IGFL4: variants seen among roughly 807,000 people sequenced by gnomAD.
The protein encoded by IGFL4 is IGF like family member 4, also known as insulin growth factor-like family member 4.
A neutral mutation model predicts 15.4 loss-of-function variants in IGFL4; 12 were observed. The ratio of observed to expected loss-of-function variants is 0.78; its 90% CI spans 0.50 to 1.26. IGFL4 has a LOEUF of 1.26. IGFL4 is among the 50% of genes most tolerant of loss of function. IGFL4 has a pLI of 0.00. For missense variants in IGFL4, 126 were observed against 147.8 expected (o/e 0.85, Z 0.76); for synonymous variants, 54 against 55.9 (o/e 0.97, Z 0.16).
chr19:46,074,411 T>C (rs1004951711), intron 1 of IGFL4, among the ~76,000 whole-genome samples: 2 of 152,006 alleles, frequency 1.3e-5, no homozygotes, highest in Non-Finnish European at 2.9e-5. Flanking sequence ...TTAATGTATG[T>C]ATATCTACAT....
At position 46,051,624 on chromosome 19, in the gene IGFL4, C is replaced by T. The variant is rs79384563; in HGVS notation, c.-323+8561G>A. The stretch of plus-strand genomic sequence containing the variant: ...GTAGTATTGAGATGTGAGAATAGTA[C>T]CTCACATCTCAATACTAATGTTAAA... On this transcript the variant is annotated intron_variant, in intron 2 of 5. Coordinates refer to the IGFL4 transcript ENST00000601672. Among the ~76,000 whole-genome samples, 1,016 of 152,078 alleles carry T rather than the reference C, an allele frequency of 6.7e-3. 32 individuals are homozygous for T. Among genetic ancestry groups the T allele is most frequent in the Admixed American group, 0.044 (677 of 15,282 alleles).
intron 1 of IGFL4, among the ~76,000 whole-genome samples, chr19:46,073,033 G>A (rs1293630278): frequency 6.6e-6 from 1 of 152,134 alleles, no homozygotes; most frequent in Non-Finnish European, 1.5e-5. Flanking sequence ...ATTCTGGATT[G>A]GATCCTGGAG....
At chr19:46,055,861 C>T (rs2146519274) in intron 2 of IGFL4, among the ~76,000 whole-genome samples, 1 of 152,302 alleles carries the variant, frequency 6.6e-6, no homozygotes, top group South Asian at 2.1e-4. Flanking sequence ...ACTGCAGGCT[C>T]CACCTGCTGG....
At chr19:46,056,072 C>G (rs1969390416) in intron 2 of IGFL4, among the ~76,000 whole-genome samples, 1 of 152,212 alleles carries the variant, frequency 6.6e-6, no homozygotes, top group African/African-American at 2.4e-5. Flanking sequence ...CCACCATACC[C>G]AGCCCAATTT....
At chr19:46,043,759 A>G (rs925047824), upstream of IGFL4, among the ~76,000 whole-genome samples, 6 of 152,224 alleles carry the variant, frequency 3.9e-5, no homozygotes, top group Admixed American at 3.9e-4. Flanking sequence ...ATCTTCTACC[A>G]AAGCTTACAC....
chr19:46,053,525 T>G (rs987641145), intron 2 of IGFL4, among the ~76,000 whole-genome samples: 1 of 152,206 alleles, frequency 6.6e-6, no homozygotes, highest in African/African-American at 2.4e-5. Flanking sequence ...CGTCTGCTGT[T>G]GGACACGTAG....
intron 2 of IGFL4, chr19:46,059,154 G>T (rs1969421364): frequency 1.3e-5 from 2 of 152,282 alleles, no homozygotes; most frequent in East Asian, 1.9e-4. Flanking sequence ...GCTGTATCTT[G>T]TTCTGACCTC....
chr19:46,064,789 C>A (rs1969479335), intron 1 of IGFL4, among the ~76,000 whole-genome samples: 1 of 152,164 alleles, frequency 6.6e-6, no homozygotes, highest in Non-Finnish European at 1.5e-5. Context: ...AATATATTAA[C>A]TTCCTTTCTT....
At position 46,040,468 on chromosome 19, in the gene IGFL4, C is replaced by A. The variant is rs764403363; in HGVS notation, c.70+50G>T. ...GCAAGGACCAGCCTAGGACCACCTC[C>A]CCACCAACCTTAATGCTGTTCTCTC... On this transcript the variant is annotated intron_variant, in intron 2 of 3. Coordinates refer to ENST00000377697, the MANE Select transcript of IGFL4 (RefSeq NM_001002923.3). This position sits in a 1 kb window ranked among gnomAD's most constrained non-coding sequence, Gnocchi z 4.1. 2 of 1,613,870 alleles carry A rather than the reference C, an allele frequency of 1.2e-6. No individual in the cohort carries two copies. Among genetic ancestry groups the A allele is most frequent in the Admixed American group, 3.3e-5 (2 of 60,018 alleles).
upstream of IGFL4, among the ~76,000 whole-genome samples, chr19:46,041,445 C>G (rs554244336): frequency 2.0e-5 from 3 of 152,328 alleles, no homozygotes; most frequent in Admixed American, 6.5e-5. Flanking sequence ...TATAATTTTT[C>G]AGAGTCACGT....
chr19:46,052,267 T>A (rs575397810), intron 2 of IGFL4, among the ~76,000 whole-genome samples: 129 of 152,176 alleles, frequency 8.5e-4, no homozygotes, highest in African/African-American at 2.0e-3. Flanking sequence ...TCAATAAATT[T>A]AAAAAAATCA....
upstream of IGFL4, among the ~76,000 whole-genome samples, chr19:46,043,269 T>C (rs530168721): frequency 4.6e-5 from 7 of 152,312 alleles, 1 homozygote; most frequent in South Asian, 1.4e-3. Flanking sequence ...TGCTTAAAAC[T>C]ATAAACTAGT....
intron 1 of IGFL4, among the ~76,000 whole-genome samples, chr19:46,065,190 C>T (rs1969482626): frequency 1.3e-5 from 2 of 151,038 alleles, no homozygotes; most frequent in Admixed American, 6.6e-5. Flanking sequence ...ATTGTGGTTA[C>T]TAATTTTTCT....
At chr19:46,071,054 C>T (rs1347300817) in intron 1 of IGFL4, among the ~76,000 whole-genome samples, 2 of 152,146 alleles carry the variant, frequency 1.3e-5, no homozygotes, top group African/African-American at 4.8e-5. Context: ...TCTCTAGAAT[C>T]CCAAGATGGC....
upstream of IGFL4, among the ~76,000 whole-genome samples, chr19:46,042,549 A>C (rs1969256743): frequency 6.6e-6 from 1 of 152,244 alleles, no homozygotes; most frequent in African/African-American, 2.4e-5. Context: ...TCTATGTAGA[A>C]AATCCCACGG....
intron 1 of IGFL4, among the ~76,000 whole-genome samples, chr19:46,068,086 G>A (rs1453916681): frequency 6.6e-6 from 1 of 152,248 alleles, no homozygotes; most frequent in Non-Finnish European, 1.5e-5. Context: ...GAGAGCAGCA[G>A]AAAAGGAATT....
intron 2 of IGFL4, among the ~76,000 whole-genome samples, chr19:46,052,415 T>C (rs1392736741): frequency 6.6e-6 from 1 of 152,176 alleles, no homozygotes; most frequent in Non-Finnish European, 1.5e-5. Context: ...CAATTAAAGA[T>C]AGAAATTGAA....
intron 1 of IGFL4, among the ~76,000 whole-genome samples, chr19:46,070,551 A>G (rs1224471719): frequency 6.6e-6 from 1 of 152,124 alleles, no homozygotes; most frequent in Non-Finnish European, 1.5e-5. Context: ...GTGATTGTGC[A>G]GAGTCCAGAA....
At chr19:46,076,552 C>T (rs1969597734) in intron 1 of IGFL4, among the ~76,000 whole-genome samples, 1 of 151,818 alleles carries the variant, frequency 6.6e-6, no homozygotes, top group African/African-American at 2.4e-5. Flanking sequence ...CACTTCTTTC[C>T]TTTTAAATTT....
Sources: gnomAD v4.1 joint callset for allele counts (sites outside exome capture counted in the v4.1 genomes callset) on GRCh38, gnomAD v4.1.1 for gene constraint, Gnocchi (gnomAD v3.1) non-coding constraint, MANE v1.5 for transcripts, NCBI Gene and HGNC (gene_info 2026-07-23, HGNC 2026-07-21) for gene names.